ACER3: variants seen among roughly 807,000 people sequenced by gnomAD.
ACER3 encodes the protein alkaline ceramidase 3.
Under a neutral mutation model 48.9 loss-of-function variants are expected in ACER3, and 16 were observed. The observed-to-expected ratio is 0.33, with a 90% CI of 0.22 to 0.50. ACER3 has a LOEUF of 0.50. ACER3 is among the 20% of genes least tolerant of loss of function. The probability of loss-of-function intolerance (pLI) is 0.98; values close to 1 mark genes in which losing one functional copy is unlikely to be tolerated. For missense variants in ACER3, 227 were observed against 326.0 expected (o/e 0.70, Z 2.34); for synonymous variants, 109 against 107.8 (o/e 1.01, Z -0.07).
At chr11:76,999,298 A>G (rs1948980766) in intron 7 of ACER3, among the ~76,000 whole-genome samples, 1 of 152,110 alleles carries the variant, frequency 6.6e-6, no homozygotes, top group Non-Finnish European at 1.5e-5. Context: ...TAAATAAGAA[A>G]TAACATTCAT....
At chr11:76,890,148 G>T (rs947649374) in intron 1 of ACER3, among the ~76,000 whole-genome samples, 1 of 152,006 alleles carries the variant, frequency 6.6e-6, no homozygotes, top group South Asian at 2.1e-4. Context: ...GGGCCCCTGT[G>T]GTTTTGTTCA....
At chr11:76,918,100 T>C (rs893506581) in intron 1 of ACER3, among the ~76,000 whole-genome samples, 10 of 152,176 alleles carry the variant, frequency 6.6e-5, no homozygotes, top group Non-Finnish European at 1.5e-4. Context: ...TACACTTATA[T>C]ATACTTTTTC....
intron 1 of ACER3, chr11:76,868,383 CTCTCTCTCTGTGTGTGTGTGTGTG>C: frequency 3.2e-5 from 17 of 526,284 alleles, no homozygotes; most frequent in South Asian, 2.3e-4. Context: ...ATATCTCTCT[CTCTCTCTCTGTGTGTGTGTGTGTG>C]TGTGTGTGTG....
rs1423446252 is a variant in ACER3, at chr11:76,965,876, A to G, written c.267+6845A>G. The stretch of plus-strand genomic sequence containing the variant: ...AACATGCCAAATTGTAAAGACCATC[A>G]AGGCTAGGAAGAAACTACATCAACT... On this transcript the variant is annotated intron_variant, in intron 3 of 10. Coordinates refer to ENST00000532485, the MANE Select transcript of ACER3 (RefSeq NM_018367.7). Among the ~76,000 whole-genome samples the G allele has an allele frequency of 3.3e-5, 5 of 151,294 alleles. No homozygotes were observed. The East Asian group carries it at 7.7e-4, about 23-fold the overall frequency.
intron 1 of ACER3, among the ~76,000 whole-genome samples, chr11:76,916,805 ACTT>A (rs1265176801): frequency 5.3e-5 from 8 of 152,118 alleles, no homozygotes; most frequent in African/African-American, 1.9e-4. Flanking sequence ...AGACCCTGTT[ACTT>A]ACCTTGTTCT....
Position 77,022,442 on chromosome 11 carries a change from A to T in ACER3, c.*2115A>T, listed in dbSNP as rs1949486078. 6.6e-6 allele frequency: 1 copy of T among 152,142 alleles called. No individual in the cohort carries two copies. Among genetic ancestry groups the T allele is most frequent in the Non-Finnish European group, 1.5e-5 (1 of 68,048 alleles). 9.4% of individuals were successfully genotyped at this position (152,142 alleles called of 1,614,324 possible). ...TGAAGACCTTTTTTTCTGTTGGGAG[A>T]ATGGAAAGCAGAAAGGGAAGCCAGG... is the stretch of plus-strand genomic sequence containing the variant. On this transcript the variant is annotated 3_prime_UTR_variant, in exon 11 of 11. Transcript: ENST00000532485.
intron 5 of ACER3, 81 bp downstream of exon 5, chr11:76,985,805 T>C (rs562944742): frequency 1.4e-4 from 105 of 752,000 alleles, no homozygotes; most frequent in Non-Finnish European, 2.0e-4. Flanking sequence ...TTCCAGTATT[T>C]GCTTCATGCT....
intron 3 of ACER3, among the ~76,000 whole-genome samples, chr11:76,971,835 C>T (rs1354914928): frequency 1.3e-5 from 2 of 151,568 alleles, no homozygotes; most frequent in Non-Finnish European, 2.9e-5. Flanking sequence ...AGATGGTAGC[C>T]TTTGGTAAAT....
rs372314534 is a variant in ACER3 at position 76,926,601 on chromosome 11, G to T, written c.148G>T (p.Gly50Cys). The change falls in exon 2 of 11, where the codon GGT (glycine) becomes TGT (cysteine). Residue 50 changes from glycine to cysteine, a missense_variant. Physicochemically the swap from Gly to Cys is radical, Grantham distance 159. Coordinates refer to ENST00000532485, the MANE Select transcript of ACER3 (RefSeq NM_018367.7). The part of the protein sequence containing the change: ...NLIMIIPPMF[G>C]AVQSVRDGLE... Reference sequence around the variant, plus strand: ...GATCATGATTATACCTCCAATGTTCGGTGCAGTTCAGAGTGTTAGAGACGG... The same window carrying T: ...GATCATGATTATACCTCCAATGTTCTGTGCAGTTCAGAGTGTTAGAGACGG... The T allele has an allele frequency of 6.2e-7, 1 of 1,609,154 alleles. No individual in the cohort carries two copies. Among genetic ancestry groups the T allele is most frequent in the Non-Finnish European group, 8.5e-7 (1 of 1,175,984 alleles).
Position 76,976,313 on chromosome 11 carries a change from T to G in ACER3, c.292T>G (p.Tyr98Asp). The G allele has an allele frequency of 6.2e-7, 1 of 1,606,594 alleles. No homozygotes were observed. Among genetic ancestry groups the G allele is most frequent in the Non-Finnish European group, 8.5e-7 (1 of 1,175,856 alleles). ...GCTATTGGATGAACTCCCAATGATA[T>G]ACAGCTGTTGCATATTTGTGTACTG... ...MQLLDELPMI[Y>D]SCCIFVYCMF... The change falls in exon 4 of 11, where the codon TAC (tyrosine) becomes GAC (aspartate). Residue 98 changes from tyrosine to aspartate, a missense_variant. Tyr to Asp is a radical substitution (Grantham distance 160). Coordinates refer to ENST00000532485, the MANE Select transcript of ACER3 (RefSeq NM_018367.7).
At chr11:76,937,296 T>A (rs1366166749) in intron 2 of ACER3, among the ~76,000 whole-genome samples, 1 of 152,220 alleles carries the variant, frequency 6.6e-6, no homozygotes, top group Non-Finnish European at 1.5e-5. Flanking sequence ...ACAAAGTTTT[T>A]GAAGCTGAAT....
chr11:76,943,546 T>A lies in ACER3; in HGVS notation c.215-15433T>A, dbSNP rs571365521. On this transcript the variant is annotated intron_variant, in intron 2 of 10. Transcript: ENST00000532485. ...ATACTTAATACGATTTTGATTTTTT[T>A]AAAAATTTTAAGACTTATTTTGTGG... Among the ~76,000 whole-genome samples the A allele has an allele frequency of 1.2e-3, 184 of 152,152 alleles. 1 individual carries two copies. The highest frequency in any genetic ancestry group is 1.3e-3 in the Non-Finnish European group (91 of 67,876).
intron 1 of ACER3, among the ~76,000 whole-genome samples, chr11:76,878,275 C>G (rs1945435142): frequency 6.6e-6 from 1 of 151,862 alleles, no homozygotes; most frequent in African/African-American, 2.4e-5. Flanking sequence ...TTTGCCATTA[C>G]TTTCAATGGC....
intron 2 of ACER3, among the ~76,000 whole-genome samples, chr11:76,953,459 A>G (rs963723007): frequency 6.6e-6 from 1 of 152,024 alleles, no homozygotes; most frequent in African/African-American, 2.4e-5. Flanking sequence ...TTAGCTGGGC[A>G]TGGTGGTGGG....
intron 2 of ACER3, among the ~76,000 whole-genome samples, chr11:76,947,820 A>G (rs1947516249): frequency 6.6e-6 from 1 of 152,324 alleles, no homozygotes; most frequent in South Asian, 2.1e-4. Context: ...ACTTGTGCAT[A>G]TGGAAGTATG....
intron 3 of ACER3, among the ~76,000 whole-genome samples, chr11:76,969,885 T>G (rs1367187204): frequency 1.1e-4 from 16 of 151,496 alleles, no homozygotes; most frequent in Admixed American, 9.9e-4. Context: ...ACATGGCACA[T>G]GTATACATAT....
At chr11:76,984,162 T>A (rs1163828790) in intron 4 of ACER3, among the ~76,000 whole-genome samples, 1 of 152,140 alleles carries the variant, frequency 6.6e-6, no homozygotes, top group East Asian at 1.9e-4. Context: ...AAACCTCCTT[T>A]ATTTTAGGCA....
chr11:76,866,838 A>G (rs1314891758), intron 1 of ACER3, among the ~76,000 whole-genome samples: 1 of 152,202 alleles, frequency 6.6e-6, no homozygotes, highest in Non-Finnish European at 1.5e-5. Flanking sequence ...AAGACATACT[A>G]TCTATACGAA....
intron 1 of ACER3, among the ~76,000 whole-genome samples, chr11:76,875,481 A>G (rs1217499652): frequency 6.6e-6 from 1 of 152,082 alleles, no homozygotes; most frequent in East Asian, 1.9e-4. Context: ...TCTTCAGTGA[A>G]TATCCATTCA....
Sources: gnomAD v4.1 joint callset for allele counts (sites outside exome capture counted in the v4.1 genomes callset) on GRCh38, gnomAD v4.1.1 for gene constraint, MANE v1.5 for transcripts, NCBI Gene and HGNC (gene_info 2026-07-23, HGNC 2026-07-21) for gene names.